Variants in CCDC178 observed in about 807,000 individuals in gnomAD.
The protein encoded by CCDC178 is coiled-coil domain-containing protein 178.
CCDC178 carries 126 observed loss-of-function variants against 117.4 expected under a neutral mutation model. The ratio of observed to expected loss-of-function variants is 1.07; its 90% CI spans 0.93 to 1.24. The LOEUF (loss-of-function observed/expected upper bound fraction) is 1.24. CCDC178 is among the 50% of genes most tolerant of loss of function. The pLI is 0.00. For synonymous variants in CCDC178, 283 were observed against 313.4 expected (o/e 0.90, Z 1.02); for missense variants, 1,030 against 986.9 (o/e 1.04, Z -0.59).
chr18:33,062,415 A>T (rs548590842), intron 21 of CCDC178, among the ~76,000 whole-genome samples: 1 of 152,330 alleles, frequency 6.6e-6, no homozygotes, highest in Non-Finnish European at 1.5e-5. Flanking sequence ...AGGTAACCAT[A>T]CTATGAATAG....
chr18:33,024,147 T>C (rs1291547576), intron 21 of CCDC178, among the ~76,000 whole-genome samples: 2 of 152,228 alleles, frequency 1.3e-5, no homozygotes, highest in African/African-American at 2.4e-5. Context: ...ATGGTTTCAC[T>C]GGAGAATTCT....
intron 17 of CCDC178, among the ~76,000 whole-genome samples, chr18:33,224,174 TA>T: frequency 6.6e-6 from 1 of 152,278 alleles, no homozygotes; most frequent in African/African-American, 2.4e-5. Context: ...CTCAAATAAA[TA>T]TATGTATGGC....
At chr18:33,266,482 G>C (rs2144765640) in intron 14 of CCDC178, among the ~76,000 whole-genome samples, 1 of 151,862 alleles carries the variant, frequency 6.6e-6, no homozygotes, top group South Asian at 2.1e-4. Flanking sequence ...TAGTCAAAAA[G>C]AGGTAAGATA....
At chr18:33,307,745 C>A (rs148323991) in intron 11 of CCDC178, among the ~76,000 whole-genome samples, 1 of 152,352 alleles carries the variant, frequency 6.6e-6, no homozygotes, top group East Asian at 1.9e-4. Context: ...TGGTGCCCTG[C>A]ATCCCAGCTG....
chr18:33,137,266 T>A (rs1041257872), intron 20 of CCDC178, among the ~76,000 whole-genome samples: 3 of 152,246 alleles, frequency 2.0e-5, no homozygotes, highest in African/African-American at 7.2e-5. Context: ...GTCATTGTCA[T>A]GCAAACACTT....
intron 20 of CCDC178, among the ~76,000 whole-genome samples, chr18:33,106,349 A>T (rs2057704465): frequency 1.3e-5 from 2 of 151,750 alleles, no homozygotes; most frequent in African/African-American, 4.8e-5. Flanking sequence ...TTCTGGAATT[A>T]AATGCTACAT....
intron 11 of CCDC178, among the ~76,000 whole-genome samples, chr18:33,310,018 G>T (rs1599140786): frequency 6.6e-6 from 1 of 150,434 alleles, no homozygotes; most frequent in Non-Finnish European, 1.5e-5. Context: ...CACCAGGCTG[G>T]AGTGCAGTGG....
chr18:33,355,704 G>A (rs978822477), intron 7 of CCDC178, among the ~76,000 whole-genome samples: 4 of 152,110 alleles, frequency 2.6e-5, no homozygotes, highest in Non-Finnish European at 5.9e-5. Flanking sequence ...GTTATCTATA[G>A]CCTCAGGCTG....
At chr18:33,037,018 A>G (rs956338474) in intron 21 of CCDC178, among the ~76,000 whole-genome samples, 26 of 152,072 alleles carry the variant, frequency 1.7e-4, no homozygotes, top group African/African-American at 6.0e-4. Context: ...AGCAAGACAG[A>G]CAGTGGTCAA....
chr18:33,425,753 C>T, intron 2 of CCDC178, among the ~76,000 whole-genome samples: 1 of 152,072 alleles, frequency 6.6e-6, no homozygotes, highest in East Asian at 1.9e-4. Context: ...TGGCTGCCCT[C>T]ATGATGATAC....
chr18:33,311,230 G>T (rs541352950), intron 11 of CCDC178, among the ~76,000 whole-genome samples: 30 of 152,204 alleles, frequency 2.0e-4, no homozygotes, highest in Non-Finnish European at 3.4e-4. Context: ...GGGAGGAAGT[G>T]GGACTGAGCC....
chr18:33,148,285 G>C (rs925484184), intron 20 of CCDC178, among the ~76,000 whole-genome samples: 1 of 152,170 alleles, frequency 6.6e-6, no homozygotes, highest in African/African-American at 2.4e-5. Flanking sequence ...CCAGTCAGGC[G>C]TGGCGGCGCG....
chr18:32,967,084 G>C (rs1219218200), intron 22 of CCDC178, among the ~76,000 whole-genome samples: 1 of 151,628 alleles, frequency 6.6e-6, no homozygotes, highest in African/African-American at 2.4e-5. Context: ...ATTAGAATAA[G>C]TATATTGTTA....
chr18:33,119,796 C>T (rs1281700723), intron 20 of CCDC178, among the ~76,000 whole-genome samples: 1 of 152,098 alleles, frequency 6.6e-6, no homozygotes, highest in Non-Finnish European at 1.5e-5. Flanking sequence ...ACATGTCCAT[C>T]AATGATAGAC....
At chr18:33,301,093 A>G (rs1005306267) in intron 11 of CCDC178, among the ~76,000 whole-genome samples, 3 of 152,200 alleles carry the variant, frequency 2.0e-5, no homozygotes, top group Non-Finnish European at 4.4e-5. Flanking sequence ...TTCCCTGCTC[A>G]GTTTAGGGAC....
At chr18:33,333,069 GAA>G (rs5823891) in intron 10 of CCDC178, 103 bp downstream of exon 10, 169 of 521,512 alleles carry the variant, frequency 3.2e-4, no homozygotes, top group Admixed American at 7.3e-4. Context: ...TCAATTTTAA[GAA>G]AAAAAAAAAA....
chr18:33,060,949 T>G (rs2056911300), intron 21 of CCDC178, among the ~76,000 whole-genome samples: 1 of 152,114 alleles, frequency 6.6e-6, no homozygotes, highest in Admixed American at 6.6e-5. Context: ...TTTACCCACA[T>G]TTCCGCACAC....
chr18:33,315,788 T>C (rs1374656548), intron 11 of CCDC178, among the ~76,000 whole-genome samples: 1 of 152,206 alleles, frequency 6.6e-6, no homozygotes, highest in Non-Finnish European at 1.5e-5. Context: ...AACAAACTAA[T>C]AATGTTTACT....
At chr18:33,013,043 A>G (rs1023966204) in intron 21 of CCDC178, among the ~76,000 whole-genome samples, 2 of 152,182 alleles carry the variant, frequency 1.3e-5, no homozygotes, top group Admixed American at 1.3e-4. Flanking sequence ...TACATAATTA[A>G]TTTTTAGTGA....
Sources: allele counts gnomAD v4.1 joint callset (sites outside exome capture counted in the v4.1 genomes callset), GRCh38; gene constraint gnomAD v4.1.1; transcripts MANE v1.5; gene names NCBI Gene and HGNC (gene_info 2026-07-23, HGNC 2026-07-21).